Variants in OSTN observed in about 807,000 individuals in gnomAD.
The protein encoded by OSTN is osteocrin.
OSTN carries 9 observed loss-of-function variants against 12.0 expected under a neutral mutation model. The ratio of observed to expected loss-of-function variants is 0.75; its 90% confidence interval spans 0.45 to 1.30. OSTN has a LOEUF of 1.30. Ranked by LOEUF, OSTN falls within the 50% of genes most tolerant of loss-of-function variation. The pLI, the probability that OSTN is intolerant of heterozygous loss-of-function variation, is 0.00. For missense variants in OSTN, 148 were observed against 152.3 expected, an observed-to-expected ratio of 0.97 and a Z score of 0.15; for synonymous variants, 59 against 56.9, an observed-to-expected ratio of 1.04 and a Z score of -0.16.
At chr3:191,247,866 C>T (rs933821573) in intron 3 of OSTN, among the ~76,000 whole-genome samples, 1 of 152,152 alleles carries the variant, frequency 6.6e-6, no homozygotes, top group Non-Finnish European at 1.5e-5. Flanking sequence ...CAGAGTCTCG[C>T]GTTGTCGCCC....
intron 3 of OSTN, among the ~76,000 whole-genome samples, chr3:191,242,320 G>A (rs1179173261): frequency 5.9e-5 from 9 of 152,160 alleles, no homozygotes. Flanking sequence ...TTTATTTGAA[G>A]ACATTAAAAA....
intron 3 of OSTN, among the ~76,000 whole-genome samples, chr3:191,247,823 C>G (rs1715467265): frequency 6.6e-6 from 1 of 152,064 alleles, no homozygotes; most frequent in Non-Finnish European, 1.5e-5. Flanking sequence ...CTCATATTCT[C>G]CATACTTTCC....
At chr3:191,233,578 TG>T in intron 3 of OSTN, among the ~76,000 whole-genome samples, 1 of 152,124 alleles carries the variant, frequency 6.6e-6, no homozygotes, top group East Asian at 1.9e-4. Context: ...CTGGGACTCC[TG>T]ATCTCAAGTG....
intron 1 of OSTN, among the ~76,000 whole-genome samples, chr3:191,211,149 T>C (rs1016894253): frequency 1.3e-5 from 2 of 152,216 alleles, no homozygotes; most frequent in African/African-American, 4.8e-5. Flanking sequence ...TGAATCAAGT[T>C]CTATTGGTTT....
chr3:191,262,079 A>G (rs1027909594), intron 4 of OSTN, among the ~76,000 whole-genome samples: 12 of 152,142 alleles, frequency 7.9e-5, no homozygotes, highest in Non-Finnish European at 2.9e-5. Flanking sequence ...TTAGCCTGGC[A>G]TGGTAGCATG....
chr3:191,224,149 G>A (rs1408107454), intron 3 of OSTN, among the ~76,000 whole-genome samples: 4 of 151,854 alleles, frequency 2.6e-5, no homozygotes, highest in Non-Finnish European at 4.4e-5. Flanking sequence ...ATGCTGAGGC[G>A]GGCAGATCAC....
chr3:191,242,290 T>C (rs750943651), intron 3 of OSTN, among the ~76,000 whole-genome samples: 11 of 152,298 alleles, frequency 7.2e-5, no homozygotes, highest in Non-Finnish European at 1.6e-4. Flanking sequence ...AAAAAGGTCT[T>C]TTGGAGAACA....
chr3:191,230,904 C>T lies in OSTN; in HGVS notation c.317+11943C>T, dbSNP rs561373718. ...TCCTTTTTTCTCTCCTTTACCTTCA[C>T]CTCCAACTATTTCGAGAAGTTTGGC... On this transcript the variant is annotated intron_variant, in intron 3 of 4. Transcript: ENST00000682035. 2.6e-5 allele frequency among the ~76,000 whole-genome samples: 4 copies of T among 152,204 alleles called. No homozygotes were observed. In the South Asian group the frequency reaches 6.2e-4, roughly 24 times the overall value.
chr3:191,200,102 ATGAAT>A (rs1230717423), intron 1 of OSTN, among the ~76,000 whole-genome samples: 2 of 152,184 alleles, frequency 1.3e-5, no homozygotes, highest in African/African-American at 4.8e-5. Flanking sequence ...ATTTTTGAGA[ATGAAT>A]TATGGTAATT....
At chr3:191,258,596 C>T (rs1471443003) in intron 4 of OSTN, among the ~76,000 whole-genome samples, 1 of 150,548 alleles carries the variant, frequency 6.6e-6, no homozygotes. Context: ...CACCAGGGCA[C>T]ATGTATAGCT....
chr3:191,219,035 C>T (rs1714697121), intron 3 of OSTN, 74 bp downstream of exon 3: 1 of 1,332,102 alleles, frequency 7.5e-7, no homozygotes, highest in Non-Finnish European at 1.0e-6. Flanking sequence ...GAGAGAATTC[C>T]ACATGAAAAA....
intron 4 of OSTN, among the ~76,000 whole-genome samples, chr3:191,259,217 C>A (rs1176363907): frequency 1.4e-5 from 2 of 139,334 alleles, no homozygotes; most frequent in Non-Finnish European, 1.6e-5. Flanking sequence ...TTTTTTGAGA[C>A]AGACTCTTGC....
intron 2 of OSTN, among the ~76,000 whole-genome samples, 174 bp downstream of exon 2, chr3:191,212,808 T>TGTATATATTTATATATTAC: frequency 6.8e-6 from 1 of 147,470 alleles, no homozygotes; most frequent in East Asian, 1.9e-4. Context: ...ATAAATATAA[T>TGTATATATTTATATATTAC]GTATATATTT....
chr3:191,240,244 C>T (rs1261056981), intron 3 of OSTN, among the ~76,000 whole-genome samples: 1 of 152,130 alleles, frequency 6.6e-6, no homozygotes, highest in Admixed American at 6.5e-5. Flanking sequence ...AGGTTCTTGC[C>T]AAGTCCTTCA....
intron 3 of OSTN, among the ~76,000 whole-genome samples, chr3:191,246,741 AGAG>A (rs1174789709): frequency 2.0e-5 from 3 of 151,320 alleles, no homozygotes; most frequent in Non-Finnish European, 4.4e-5. Flanking sequence ...AGGAGGAGGA[AGAG>A]GAGAAGGAGG....
intron 3 of OSTN, among the ~76,000 whole-genome samples, chr3:191,221,438 G>T (rs1011198653): frequency 6.6e-5 from 10 of 152,152 alleles, no homozygotes; most frequent in Non-Finnish European, 1.2e-4. Context: ...CTTGTTGAAT[G>T]ATTTTAGCCA....
intron 3 of OSTN, among the ~76,000 whole-genome samples, chr3:191,238,880 T>C (rs892436951): frequency 5.9e-5 from 9 of 152,356 alleles, no homozygotes; most frequent in Middle Eastern, 3.4e-3. Flanking sequence ...AAAGGGATAA[T>C]ACCTGATTCC....
At chr3:191,231,535 A>G (rs1715052928) in intron 3 of OSTN, among the ~76,000 whole-genome samples, 1 of 152,170 alleles carries the variant, frequency 6.6e-6, no homozygotes, top group Admixed American at 6.5e-5. Context: ...TTCAAATTCT[A>G]TGAGACAAGA....
At chr3:191,260,309 A>G (rs1238045698) in intron 4 of OSTN, among the ~76,000 whole-genome samples, 2 of 137,788 alleles carry the variant, frequency 1.5e-5, no homozygotes, top group African/African-American at 5.3e-5. Flanking sequence ...TAACAACTCA[A>G]TCCAAAAGCC....
Sources: allele counts gnomAD v4.1 joint callset (sites outside exome capture counted in the v4.1 genomes callset), GRCh38; gene constraint gnomAD v4.1.1; transcripts MANE v1.5; gene names NCBI Gene and HGNC (gene_info 2026-07-23, HGNC 2026-07-21).